Variants in KDM2A observed in about 807,000 individuals in gnomAD.
KDM2A encodes lysine-specific demethylase 2A.
KDM2A carries 3 observed loss-of-function variants against 137.3 expected under a neutral mutation model. The observed-to-expected ratio is 0.02, with a 90% CI of 0.01 to 0.06. KDM2A has a LOEUF of 0.06. Ranked by LOEUF, KDM2A falls within the 10% of genes least tolerant of loss-of-function variation. KDM2A has a pLI of 1.00. For missense variants in KDM2A, 738 were observed against 1,510.6 expected (o/e 0.49, Z 8.48); for synonymous variants, 512 against 541.5 (o/e 0.95, Z 0.76).
intron 2 of KDM2A, among the ~76,000 whole-genome samples, chr11:67,130,234 C>T (rs767408951): frequency 6.6e-6 from 1 of 151,784 alleles, no homozygotes; most frequent in African/African-American, 2.4e-5. Context: ...ACTCATACTT[C>T]GTGTTTACTC....
chr11:67,219,621 CATGGATGATTG>C (rs1858275256), intron 10 of KDM2A: 2 of 249,642 alleles, frequency 8.0e-6, no homozygotes, highest in African/African-American at 4.6e-5. Flanking sequence ...GTGGCGTGAT[CATGGATGATTG>C]CAGCCTCAAC....
intron 6 of KDM2A, among the ~76,000 whole-genome samples, chr11:67,212,913 A>G (rs1022304926): frequency 6.6e-6 from 1 of 152,156 alleles, no homozygotes; most frequent in African/African-American, 2.4e-5. Context: ...ACACACGGGG[A>G]TGGGAGATGG....
At chr11:67,240,936 A>C (rs1047577088) in intron 12 of KDM2A, among the ~76,000 whole-genome samples, 7 of 152,146 alleles carry the variant, frequency 4.6e-5, no homozygotes, top group Non-Finnish European at 1.0e-4. Flanking sequence ...CCACACACAC[A>C]CCGACACAGT....
intron 1 of KDM2A, among the ~76,000 whole-genome samples, chr11:67,120,459 C>T (rs754276938): frequency 6.6e-6 from 1 of 152,224 alleles, no homozygotes; most frequent in Non-Finnish European, 1.5e-5. Flanking sequence ...AAAAAGAAAA[C>T]CCTTTCTTGG....
intron 18 of KDM2A, among the ~76,000 whole-genome samples, chr11:67,253,112 G>C (rs915422045): frequency 1.3e-5 from 2 of 152,220 alleles, no homozygotes; most frequent in Non-Finnish European, 2.9e-5. Flanking sequence ...CAGCCCTGCA[G>C]TTCTCCTCAG....
chr11:67,163,322 A>G (rs1355424670), intron 2 of KDM2A, among the ~76,000 whole-genome samples: 1 of 152,182 alleles, frequency 6.6e-6, no homozygotes, highest in African/African-American at 2.4e-5. Flanking sequence ...CAGTTGTTGA[A>G]TTTCATAAAA....
chr11:67,164,800 T>C (rs1306968169), intron 2 of KDM2A, among the ~76,000 whole-genome samples: 1 of 152,042 alleles, frequency 6.6e-6, no homozygotes, highest in South Asian at 2.1e-4. Flanking sequence ...GGTTTCACTA[T>C]GTGGGCCAGG....
At chr11:67,153,569 G>C (rs1856446021) in intron 2 of KDM2A, among the ~76,000 whole-genome samples, 2 of 152,072 alleles carry the variant, frequency 1.3e-5, no homozygotes, top group African/African-American at 4.8e-5. Flanking sequence ...ATCTGGATGT[G>C]GTGCAGGGTC....
rs79429303 is a variant in KDM2A at position 67,132,662 on chromosome 11, G to A, written c.42+11304G>A. ...AATGTCTCCAGTTTCAGGTCGGGGT[G>A]GTCTAGAAAGAAATTCAAATAGCTT... On this transcript the variant is annotated intron_variant, in intron 2 of 20. Coordinates refer to ENST00000529006, the MANE Select transcript of KDM2A (RefSeq NM_012308.3). Among the ~76,000 whole-genome samples the A allele has an allele frequency of 5.9e-3, 898 of 152,294 alleles. 10 individuals carry two copies. The highest frequency in any genetic ancestry group is 7.8e-3 in the Admixed American group (119 of 15,296).
At chr11:67,181,531 A>G in intron 4 of KDM2A, 133 bp downstream of exon 4, 2 of 631,382 alleles carry the variant, frequency 3.2e-6, no homozygotes, top group Admixed American at 3.0e-5. Context: ...TTAAAAGTAT[A>G]TGCTTTTCTT....
chr11:67,167,256 A>G (rs1433618027), intron 2 of KDM2A, among the ~76,000 whole-genome samples: 13 of 152,162 alleles, frequency 8.5e-5, no homozygotes, highest in African/African-American at 3.1e-4. Context: ...CCTCATCTTG[A>G]ATTGATAGCC....
intron 2 of KDM2A, among the ~76,000 whole-genome samples, chr11:67,149,722 C>CTT (rs368037059): frequency 1.5e-5 from 2 of 134,950 alleles, no homozygotes; most frequent in African/African-American, 5.4e-5. Flanking sequence ...GTATTAGAAT[C>CTT]TTTTTTTTTT....
chr11:67,255,329 G>T lies in KDM2A; in HGVS notation c.*274G>T. 6.0e-6 allele frequency: 3 copies of T among 497,268 alleles called. No homozygotes were observed. Among genetic ancestry groups the T allele is most frequent in the South Asian group, 5.8e-5 (3 of 51,712 alleles). The allele number at this position is 497,268 out of a possible 1,614,324, so 30.8% of individuals were successfully genotyped here. On this transcript the variant is annotated 3_prime_UTR_variant, in exon 21 of 21. Coordinates refer to ENST00000529006, the MANE Select transcript of KDM2A (RefSeq NM_012308.3). The stretch of plus-strand genomic sequence containing the variant: ...TGTCGAGGCGCCTGCTCGCTTACTC[G>T]CCTGCCAGGAGGCCGGGCTCTCAGT...
At chr11:67,171,582 CT>C (rs1856883786) in intron 2 of KDM2A, among the ~76,000 whole-genome samples, 1 of 152,188 alleles carries the variant, frequency 6.6e-6, no homozygotes, top group Non-Finnish European at 1.5e-5. Context: ...GACACATTTG[CT>C]TTTTTGTTGT....
chr11:67,181,682 G>C (rs1487286619), intron 4 of KDM2A, among the ~76,000 whole-genome samples, 164 bp from the exon 5 acceptor site: 1 of 149,964 alleles, frequency 6.7e-6, no homozygotes, highest in Non-Finnish European at 1.5e-5. Flanking sequence ...CTTTTTTCCT[G>C]TGCATATGTG....
chr11:67,227,168 A>G (rs970362689), intron 10 of KDM2A, among the ~76,000 whole-genome samples: 21 of 152,218 alleles, frequency 1.4e-4, no homozygotes, highest in African/African-American at 4.6e-4. Flanking sequence ...GTCGTATGGA[A>G]CATTAATCTG....
intron 2 of KDM2A, chr11:67,143,348 AG>A (rs1438812759): frequency 5.3e-5 from 8 of 152,152 alleles, no homozygotes; most frequent in Admixed American, 5.2e-4. Context: ...TCTTTGCTAC[AG>A]GACTTCAGGA....
intron 5 of KDM2A, chr11:67,196,248 T>TA: frequency 2.2e-6 from 1 of 456,174 alleles, no homozygotes; most frequent in Non-Finnish European, 4.4e-6. Flanking sequence ...AGATGCAGGC[T>TA]ACCACTGCTG....
intron 7 of KDM2A, 68 bp from the exon 8 acceptor site, chr11:67,215,788 G>A (rs1858142432): frequency 8.9e-7 from 1 of 1,118,628 alleles, no homozygotes; most frequent in Non-Finnish European, 1.4e-6. Context: ...AGGAGAGTAT[G>A]GCATTTTGGT....
Sources: allele counts gnomAD v4.1 joint callset (sites outside exome capture counted in the v4.1 genomes callset), GRCh38; gene constraint gnomAD v4.1.1; transcripts MANE v1.5; gene names NCBI Gene and HGNC (gene_info 2026-07-23, HGNC 2026-07-21).